The following DLC1 variants were observed in gnomAD, a reference collection of about 807,000 sequenced individuals.
The protein encoded by DLC1 is DLC1 Rho GTPase activating protein.
In DLC1, 54 loss-of-function variants were observed where a neutral mutation model predicts 140.3. The ratio of observed to expected loss-of-function variants is 0.38; its 90% CI spans 0.31 to 0.48. DLC1 has a LOEUF of 0.48. Among genes scored for constraint, DLC1 ranks in the 20% least tolerant of loss-of-function variants. The pLI is 0.96. For missense variants in DLC1, 2,536 were observed against 1,907.0 expected, an observed-to-expected ratio of 1.33 and a Z score of -6.14; for synonymous variants, 986 against 728.1, an observed-to-expected ratio of 1.35 and a Z score of -5.70.
intron 4 of DLC1, among the ~76,000 whole-genome samples, chr8:13,380,478 G>A (rs1836202661): frequency 6.6e-6 from 1 of 152,136 alleles, no homozygotes; most frequent in African/African-American, 2.4e-5. Flanking sequence ...TATAAACTCT[G>A]CTTTTATCAG....
At chr8:13,583,764 C>A (rs566002060) in intron 1 of DLC1, 1 of 152,318 alleles carries the variant, frequency 6.6e-6, no homozygotes, top group East Asian at 1.9e-4. Flanking sequence ...AGTTCAATGT[C>A]TTTGGAGATG....
intron 2 of DLC1, among the ~76,000 whole-genome samples, chr8:13,423,036 G>A (rs933198135): frequency 3.9e-5 from 6 of 152,078 alleles, no homozygotes; most frequent in Non-Finnish European, 7.4e-5. Context: ...GGAGTTGGGG[G>A]GTGATGTAAG....
At chr8:13,601,745 A>T (rs1429194576) in intron 1 of DLC1, among the ~76,000 whole-genome samples, 1 of 151,660 alleles carries the variant, frequency 6.6e-6, no homozygotes, top group East Asian at 1.9e-4. Flanking sequence ...AAAACCTGAG[A>T]CAATTAATTT....
chr8:13,564,977 A>C (rs1804377303), intron 1 of DLC1, among the ~76,000 whole-genome samples: 1 of 152,196 alleles, frequency 6.6e-6, no homozygotes, highest in East Asian at 1.9e-4. Context: ...CCCCTGAGAG[A>C]TGGCAAGAAG....
At chr8:13,348,873 G>C (rs551468877) in intron 4 of DLC1, among the ~76,000 whole-genome samples, 2 of 152,282 alleles carry the variant, frequency 1.3e-5, no homozygotes, top group East Asian at 3.9e-4. Flanking sequence ...ACCTTCTTGA[G>C]GAGGGCAGTG....
intron 1 of DLC1, among the ~76,000 whole-genome samples, chr8:13,525,256 CA>C (rs1351892655): frequency 3.3e-5 from 5 of 152,142 alleles, no homozygotes; most frequent in Non-Finnish European, 5.9e-5. Context: ...GGGGCAGTAA[CA>C]TTGGGATATT....
chr8:13,563,027 C>A (rs1018442084), intron 1 of DLC1, among the ~76,000 whole-genome samples: 1 of 151,966 alleles, frequency 6.6e-6, no homozygotes, highest in Non-Finnish European at 1.5e-5. Flanking sequence ...GAAAGATAAT[C>A]GAAAACTCTA....
intron 4 of DLC1, among the ~76,000 whole-genome samples, chr8:13,385,618 G>T (rs1008751888): frequency 1.2e-4 from 19 of 152,290 alleles, no homozygotes; most frequent in African/African-American, 3.6e-4. Flanking sequence ...TCTGTTACAT[G>T]ATTCCAAATA....
At chr8:13,191,092 G>A (rs1460842798) in intron 5 of DLC1, among the ~76,000 whole-genome samples, 1 of 152,202 alleles carries the variant, frequency 6.6e-6, no homozygotes, top group African/African-American at 2.4e-5. Context: ...CAAAAGAAAG[G>A]TGAGAAAGGA....
intron 4 of DLC1, 130 bp from the exon 5 acceptor site, chr8:13,305,432 T>G: frequency 1.1e-6 from 1 of 907,826 alleles, no homozygotes; most frequent in South Asian, 2.0e-5. Context: ...AATTAGCATT[T>G]TGGAACTATC....
chr8:13,514,770 C>T lies in DLC1; in HGVS notation c.-294G>A, dbSNP rs796764078. 1.5e-5 allele frequency: 6 copies of T among 397,154 alleles called. 1 individual carries two copies. The highest frequency in any genetic ancestry group is 1.0e-4 in the African/African-American group (5 of 48,686). 24.6% of individuals were successfully genotyped at this position (397,154 alleles called of 1,614,324 possible). ...CAGTGTGTGAGTCTAACAAAAACAC[C>T]CTCTGCAGCTGGAGGGAGCCTTAGC... On this transcript the variant is annotated 5_prime_UTR_variant, in exon 1 of 18. Transcript: ENST00000276297.
chr8:13,292,904 C>A (rs898684001), intron 5 of DLC1, among the ~76,000 whole-genome samples: 6 of 151,982 alleles, frequency 3.9e-5, no homozygotes, highest in African/African-American at 1.5e-4. Context: ...GCATGTGATC[C>A]AAACAAATTA....
At chr8:13,599,386 C>T (rs1170600107) in intron 1 of DLC1, among the ~76,000 whole-genome samples, 1 of 151,788 alleles carries the variant, frequency 6.6e-6, no homozygotes, top group African/African-American at 2.4e-5. Flanking sequence ...AAATCAATAT[C>T]TATGGGACAT....
At chr8:13,237,234 T>C (rs997613479) in intron 5 of DLC1, among the ~76,000 whole-genome samples, 1 of 106,138 alleles carries the variant, frequency 9.4e-6, no homozygotes, top group African/African-American at 3.3e-5. Context: ...TATACATATA[T>C]ATATATACAC....
chr8:13,183,531 G>C lies in DLC1; in HGVS notation c.1349-67874C>G, dbSNP rs146667281. On this transcript the variant is annotated intron_variant, in intron 5 of 17. Coordinates refer to ENST00000276297, the MANE Select transcript of DLC1 (RefSeq NM_182643.3). ...TTGAGGGTTTTTAGCATGAAGGGCT[G>C]TTGAATTTTGTTGAAGGCCTTTTCT... Among the ~76,000 whole-genome samples the C allele has an allele frequency of 1.2e-4, 19 of 152,276 alleles. 1 individual carries two copies. Among genetic ancestry groups the C allele is most frequent in the African/African-American group, 4.6e-4 (19 of 41,540 alleles).
chr8:13,351,915 A>G (rs1469306677), intron 4 of DLC1, among the ~76,000 whole-genome samples: 1 of 152,216 alleles, frequency 6.6e-6, no homozygotes, highest in Non-Finnish European at 1.5e-5. Context: ...ATGCAGTAAC[A>G]TAGAGACGGT....
chr8:13,200,509 T>G (rs1360989481), intron 5 of DLC1, among the ~76,000 whole-genome samples: 3 of 152,196 alleles, frequency 2.0e-5, no homozygotes, highest in Non-Finnish European at 2.9e-5. Context: ...TTAATAAAAG[T>G]AGACTTAAAT....
chr8:13,140,983 G>A lies in DLC1; in HGVS notation c.1349-25326C>T, dbSNP rs141285448. 2.2e-3 allele frequency among the ~76,000 whole-genome samples: 334 copies of A among 152,182 alleles called. 2 individuals carry two copies. The highest frequency in any genetic ancestry group is 7.8e-3 in the African/African-American group (324 of 41,522). On this transcript the variant is annotated intron_variant, in intron 5 of 17. Coordinates refer to ENST00000276297, the MANE Select transcript of DLC1 (RefSeq NM_182643.3). ...ATAAAAGCCTGCTGTGGCTGGGTGC[G>A]GTGGCTCACGCCTGTAATCCCAGCA...
At position 13,305,273 on chromosome 8, in the gene DLC1, CT is replaced by C; in HGVS notation, c.1343del (p.Lys448ArgfsTer56). On this transcript the variant is annotated frameshift_variant, in exon 5 of 18. Transcript: ENST00000276297. LOFTEE classifies it high-confidence loss of function. ...TAIQGISEKE[K>X]AEIEAKEACD... ...AGAACCAAAATGTCAACTTACCAGCCTTTTCCTTCTCTGAAATACCTTGAAT... is the reference window on the plus strand; with the variant it reads ...AGAACCAAAATGTCAACTTACCAGCCTTTCCTTCTCTGAAATACCTTGAAT... The C allele has an allele frequency of 6.2e-7, 1 of 1,607,668 alleles. No homozygotes were observed. The highest frequency in any genetic ancestry group is 1.1e-5 in the South Asian group (1 of 89,328).
Sources: gnomAD v4.1 joint callset for allele counts (sites outside exome capture counted in the v4.1 genomes callset) on GRCh38, gnomAD v4.1.1 for gene constraint, MANE v1.5 for transcripts, NCBI Gene and HGNC (gene_info 2026-07-23, HGNC 2026-07-21) for gene names.